Variants in ENTREP2 observed in about 807,000 individuals in gnomAD.
ENTREP2 encodes protein ENTREP2.
chr15:29,277,885 C>G, the ENTREP2 span, among the ~76,000 whole-genome samples: 9 of 152,042 alleles, frequency 5.9e-5, no homozygotes, highest in African/African-American at 1.7e-4. Flanking sequence ...AGAGAGCTGA[C>G]AAAGCTAATA....
At chr15:29,295,073 A>G in the ENTREP2 span, among the ~76,000 whole-genome samples, 2 of 152,248 alleles carry the variant, frequency 1.3e-5, no homozygotes, top group Admixed American at 6.5e-5. Flanking sequence ...GGGTCAGTTC[A>G]TGAAGACCCT....
At chr15:29,145,524 A>G in the ENTREP2 span, among the ~76,000 whole-genome samples, 11 of 149,016 alleles carry the variant, frequency 7.4e-5, no homozygotes, top group East Asian at 1.9e-3. Context: ...TCAGGAGGCT[A>G]AGGCAGGAGA....
At chr15:29,497,037 G>A in the ENTREP2 span, among the ~76,000 whole-genome samples, 2 of 152,262 alleles carry the variant, frequency 1.3e-5, no homozygotes, top group Non-Finnish European at 2.9e-5. Flanking sequence ...AGGTGCTTAG[G>A]TCATGAGGGT....
the ENTREP2 span, chr15:29,269,782 A>G: frequency 5.2e-6 from 7 of 1,337,708 alleles, no homozygotes; most frequent in Non-Finnish European, 6.8e-6. Flanking sequence ...GCGACCCGCT[A>G]ACGCCGGTGC....
chr15:29,459,370 G>A, the ENTREP2 span, among the ~76,000 whole-genome samples: 3 of 152,258 alleles, frequency 2.0e-5, no homozygotes, highest in African/African-American at 7.2e-5. Flanking sequence ...TTTCCTGGGA[G>A]GAGAGATGAG....
the ENTREP2 span, among the ~76,000 whole-genome samples, chr15:29,369,869 G>T: frequency 6.6e-6 from 1 of 152,186 alleles, no homozygotes; most frequent in Non-Finnish European, 1.5e-5. Context: ...GATTAGTTTT[G>T]ATAAGAGTTA....
chr15:29,524,341 G>A, the ENTREP2 span, among the ~76,000 whole-genome samples: 4 of 152,142 alleles, frequency 2.6e-5, no homozygotes, highest in Non-Finnish European at 5.9e-5. Flanking sequence ...CAATCACAAG[G>A]ATGGCTGTAA....
chr15:29,148,245 T>A, the ENTREP2 span, among the ~76,000 whole-genome samples: 44 of 152,336 alleles, frequency 2.9e-4, no homozygotes, highest in African/African-American at 1.1e-3. Context: ...TCTGTGAAGA[T>A]ATTAAAACCG....
At chr15:29,591,994 A>G in the ENTREP2 span, among the ~76,000 whole-genome samples, 3 of 152,336 alleles carry the variant, frequency 2.0e-5, no homozygotes, top group East Asian at 3.9e-4. Flanking sequence ...AGAGGAAGGA[A>G]GGATTCTCCC....
At chr15:29,613,597 G>T in the ENTREP2 span, 1 of 199,384 alleles carries the variant, frequency 5.0e-6, no homozygotes, top group Non-Finnish European at 1.0e-5. Flanking sequence ...TCCATCCACT[G>T]GTAGAGAACA....
chr15:29,413,309 TTCTG>T, the ENTREP2 span, among the ~76,000 whole-genome samples: 3 of 152,216 alleles, frequency 2.0e-5, no homozygotes. Context: ...ATTTTTAATT[TTCTG>T]TCTGATAGAT....
the ENTREP2 span, among the ~76,000 whole-genome samples, chr15:29,564,923 TG>T: frequency 6.6e-6 from 1 of 152,080 alleles, no homozygotes; most frequent in East Asian, 1.9e-4. Flanking sequence ...CAGGGGAGAC[TG>T]AAAAACTACT....
chr15:29,118,547 C>T, the ENTREP2 span, among the ~76,000 whole-genome samples: 2 of 152,240 alleles, frequency 1.3e-5, no homozygotes, highest in Non-Finnish European at 2.9e-5. Context: ...GCCAGCAATG[C>T]TACCAGGTCA....
the ENTREP2 span, among the ~76,000 whole-genome samples, chr15:29,249,740 T>A: frequency 6.6e-6 from 1 of 152,112 alleles, no homozygotes; most frequent in Admixed American, 6.6e-5. Context: ...GAATGAAATA[T>A]CTGAGACTGG....
chr15:29,474,552 T>C, the ENTREP2 span, among the ~76,000 whole-genome samples: 2 of 151,894 alleles, frequency 1.3e-5, no homozygotes, highest in East Asian at 3.9e-4. Flanking sequence ...GTCATTTCTG[T>C]TGTTGTTTTT....
the ENTREP2 span, among the ~76,000 whole-genome samples, chr15:29,544,301 T>C: frequency 3.3e-5 from 5 of 152,264 alleles, no homozygotes; most frequent in East Asian, 3.9e-4. Context: ...AGTAGTCAGA[T>C]TGATAGAGAC....
the ENTREP2 span, among the ~76,000 whole-genome samples, chr15:29,134,985 C>T: frequency 1.3e-5 from 2 of 152,136 alleles, no homozygotes; most frequent in South Asian, 4.2e-4. Context: ...GTAGAGATAA[C>T]CATCCGGGGC....
the ENTREP2 span, among the ~76,000 whole-genome samples, chr15:29,567,657 G>C: frequency 6.6e-6 from 1 of 152,158 alleles, no homozygotes; most frequent in Non-Finnish European, 1.5e-5. Context: ...CAAACTCAGG[G>C]AGAGGGAACC....
chr15:29,279,319 C>T, the ENTREP2 span, among the ~76,000 whole-genome samples: 1 of 151,944 alleles, frequency 6.6e-6, no homozygotes, highest in Admixed American at 6.6e-5. Flanking sequence ...CCTTCCATCT[C>T]CATATGAATT....
Sources: allele counts gnomAD v4.1 joint callset (sites outside exome capture counted in the v4.1 genomes callset), GRCh38; gene constraint gnomAD v4.1.1; transcripts MANE v1.5; gene names NCBI Gene and HGNC (gene_info 2026-07-23, HGNC 2026-07-21).